The following TACR1 variants were observed in gnomAD, a reference collection of about 807,000 sequenced individuals.
TACR1 encodes substance-P receptor.
A neutral mutation model predicts 35.8 loss-of-function variants in TACR1; 25 were observed. The ratio of observed to expected loss-of-function variants is 0.70; its 90% CI spans 0.51 to 0.98. TACR1 has a LOEUF of 0.98. TACR1 is among the 50% of genes least tolerant of loss of function. The pLI is 0.00. For synonymous variants in TACR1, 195 were observed against 206.7 expected, an observed-to-expected ratio of 0.94 and a Z score of 0.48; for missense variants, 478 against 522.9, an observed-to-expected ratio of 0.91 and a Z score of 0.84.
intron 2 of TACR1, among the ~76,000 whole-genome samples, chr2:75,070,269 GT>G (rs1672853191): frequency 1.3e-5 from 2 of 148,562 alleles, no homozygotes; most frequent in African/African-American, 5.1e-5. Flanking sequence ...GTGTGTGTGT[GT>G]TTTGAGCACT....
chr2:75,094,326 G>A (rs888682788), intron 2 of TACR1, among the ~76,000 whole-genome samples: 36 of 152,082 alleles, frequency 2.4e-4, no homozygotes, highest in African/African-American at 7.7e-4. Context: ...GAATTTCGTC[G>A]GGTAAAGTAT....
chr2:75,170,546 G>T (rs190758820), intron 1 of TACR1, among the ~76,000 whole-genome samples: 5 of 152,176 alleles, frequency 3.3e-5, no homozygotes, highest in Non-Finnish European at 5.9e-5. Flanking sequence ...AACAGGCAGC[G>T]GTTGGAACAG....
In TACR1 at chr2:75,194,774, C is replaced by T. The variant is rs114565153; in HGVS notation, c.389+3772G>A. Among the ~76,000 whole-genome samples the T allele has an allele frequency of 5.4e-3, 820 of 152,298 alleles. 8 individuals are homozygous for T. The highest frequency in any genetic ancestry group is 0.019 in the African/African-American group (774 of 41,554). On this transcript the variant is annotated intron_variant, in intron 1 of 4. Coordinates refer to ENST00000305249, the MANE Select transcript of TACR1 (RefSeq NM_001058.4). ...TTGGAGTCTGAGTGAGCAACTGCTA[C>T]CTTTCATTTTGCTGAAATTATGCTT...
At chr2:75,163,580 A>G (rs1675065897) in intron 1 of TACR1, among the ~76,000 whole-genome samples, 1 of 152,222 alleles carries the variant, frequency 6.6e-6, no homozygotes, top group Non-Finnish European at 1.5e-5. Flanking sequence ...AATGAGAAAA[A>G]AGTTGAAATA....
rs1178355953 is a variant in TACR1 at position 75,049,289 on chromosome 2, AT to A, written c.*142del. 2 of 882,582 alleles carry A rather than the reference AT, an allele frequency of 2.3e-6. No homozygotes were observed. The highest frequency in any genetic ancestry group is 3.4e-6 in the Non-Finnish European group (2 of 590,518). 54.7% of individuals were successfully genotyped at this position (882,582 alleles called of 1,614,324 possible). A position where few individuals can be genotyped will look rare whatever the true frequency, so the allele number is the denominator to read the frequency against. On this transcript the variant is annotated 3_prime_UTR_variant, in exon 5 of 5. Transcript: ENST00000305249. ...TGAGATTTTTTGACTCAAGGATGGA[AT>A]GTTTTCCCTAACCCATACTGACCCT...
chr2:75,174,001 A>T (rs1440990076), intron 1 of TACR1, among the ~76,000 whole-genome samples: 1 of 152,182 alleles, frequency 6.6e-6, no homozygotes, highest in Admixed American at 6.5e-5. Flanking sequence ...GCTCAGGAAC[A>T]AAACAATCAT....
rs575684372 is a variant in TACR1 at position 75,125,488 on chromosome 2, A to C, written c.390-4720T>G. On this transcript the variant is annotated intron_variant, in intron 1 of 4. Transcript: ENST00000305249. ...GCATGAGCCACCGCGCCGGGCCTTTATTTTTCTAATTGCATATCCTTCTTT... is the reference window on the plus strand; with the variant it reads ...GCATGAGCCACCGCGCCGGGCCTTTCTTTTTCTAATTGCATATCCTTCTTT... Among the ~76,000 whole-genome samples the C allele has an allele frequency of 1.3e-4, 19 of 151,918 alleles. No individual in the cohort carries two copies. The South Asian group carries it at 3.7e-3, about 30-fold the overall frequency.
chr2:75,156,674 C>T (rs4519549), intron 1 of TACR1, among the ~76,000 whole-genome samples: 47,453 of 151,482 alleles, frequency 0.31, 7,915 homozygotes, highest in Admixed American at 0.39. Context: ...TCCAACACCT[C>T]GATTTTGGAC....
In TACR1 at chr2:75,116,387, C is replaced by CCA. The variant is rs1673859124; in HGVS notation, c.584+4185_584+4186dup. Among the ~76,000 whole-genome samples, 3 of 152,260 alleles carry CCA rather than the reference C, an allele frequency of 2.0e-5. No homozygotes were observed. In the South Asian group the frequency reaches 6.2e-4, roughly 32 times the overall value. ...AAAATACTGGGATTACAGTCATGAG[C>CCA]CACTGCACTGGGCTCCACAATTTTT... On this transcript the variant is annotated intron_variant, in intron 2 of 4. Transcript: ENST00000305249.
At chr2:75,133,820 G>A (rs1253448005) in intron 1 of TACR1, among the ~76,000 whole-genome samples, 1 of 152,172 alleles carries the variant, frequency 6.6e-6, no homozygotes, top group African/African-American at 2.4e-5. Flanking sequence ...CAGACGGTTA[G>A]GCATTCTAAA....
At chr2:75,067,511 TTGAAG>T (rs1418051622) in intron 2 of TACR1, among the ~76,000 whole-genome samples, 1 of 152,140 alleles carries the variant, frequency 6.6e-6, no homozygotes, top group African/African-American at 2.4e-5. Flanking sequence ...TTTGAGATGC[TTGAAG>T]TATAGTGGGG....
Position 75,094,429 on chromosome 2 carries a change from A to G in TACR1, c.584+26145T>C, listed in dbSNP as rs376824159. ...GAGGGGTATTCACTGTAGTCCAGGG[A>G]CCACAGTGGTCTTTGAAGTCTCCCT... is the stretch of plus-strand genomic sequence containing the variant. On this transcript the variant is annotated intron_variant, in intron 2 of 4. Coordinates refer to ENST00000305249, the MANE Select transcript of TACR1 (RefSeq NM_001058.4). Among the ~76,000 whole-genome samples the G allele has an allele frequency of 1.7e-4, 26 of 152,218 alleles. No individual in the cohort carries two copies. The East Asian group carries it at 3.5e-3, about 20-fold the overall frequency.
intron 2 of TACR1, among the ~76,000 whole-genome samples, chr2:75,074,159 C>T (rs541625568): frequency 5.3e-4 from 80 of 152,184 alleles, no homozygotes; most frequent in Admixed American, 3.3e-4. Flanking sequence ...TTTTCACAAG[C>T]GGGGCAAGCT....
chr2:75,141,842 C>T (rs893646092), intron 1 of TACR1, among the ~76,000 whole-genome samples: 4 of 152,152 alleles, frequency 2.6e-5, no homozygotes, highest in African/African-American at 9.7e-5. Flanking sequence ...CTTTAGTAGA[C>T]TCTCTCTGGT....
intron 1 of TACR1, chr2:75,187,869 A>T (rs1675745260): frequency 6.6e-6 from 1 of 152,204 alleles, no homozygotes; most frequent in Non-Finnish European, 1.5e-5. Context: ...ACAGTGTCCT[A>T]ATTGGATCAT....
rs940761369 is a variant in TACR1, at chr2:75,199,506, C to G, written c.-572G>C. ...GCAGTTTCGCGGGCACCTCTCGGTT[C>G]GGGTTGCTCAGCTCGCGAGTTAGCT... On this transcript the variant is annotated 5_prime_UTR_variant, in exon 1 of 5. Coordinates refer to ENST00000305249, the MANE Select transcript of TACR1 (RefSeq NM_001058.4). 1 of 158,446 alleles carries G rather than the reference C, an allele frequency of 6.3e-6. No homozygotes were observed. The highest frequency in any genetic ancestry group is 1.8e-4 in the South Asian group (1 of 5,480). The allele number at this position is 158,446 out of a possible 1,614,324, so 9.8% of individuals were successfully genotyped here.
chr2:75,130,600 C>G (rs1174182040), intron 1 of TACR1, among the ~76,000 whole-genome samples: 1 of 152,202 alleles, frequency 6.6e-6, no homozygotes. Context: ...AAGAAGCACA[C>G]ATCAAATGAA....
chr2:75,093,260 C>G (rs1247945727), intron 2 of TACR1, among the ~76,000 whole-genome samples: 1 of 152,192 alleles, frequency 6.6e-6, no homozygotes, highest in Admixed American at 6.5e-5. Flanking sequence ...TATACCTGAA[C>G]ACTAAAAATT....
At chr2:75,160,080 A>G (rs1298036232) in intron 1 of TACR1, among the ~76,000 whole-genome samples, 2 of 152,116 alleles carry the variant, frequency 1.3e-5, no homozygotes, top group Non-Finnish European at 2.9e-5. Context: ...ATCAAACAAC[A>G]CTTGTTCATA....
Sources: allele counts gnomAD v4.1 joint callset (sites outside exome capture counted in the v4.1 genomes callset), GRCh38; gene constraint gnomAD v4.1.1; transcripts MANE v1.5; gene names NCBI Gene and HGNC (gene_info 2026-07-23, HGNC 2026-07-21).